The following DCLK1 variants were observed in gnomAD, a reference collection of about 807,000 sequenced individuals.
DCLK1 encodes the protein doublecortin like kinase 1.
In DCLK1, 16 loss-of-function variants were observed where a neutral mutation model predicts 86.2. The observed-to-expected ratio is 0.19, with a 90% CI of 0.13 to 0.28. The LOEUF is 0.28. Ranked by LOEUF, DCLK1 falls within the 10% of genes least tolerant of loss-of-function variation. The pLI is 1.00. For missense variants in DCLK1, 590 were observed against 940.2 expected, an observed-to-expected ratio of 0.63 and a Z score of 4.87; for synonymous variants, 369 against 370.5, an observed-to-expected ratio of 1.00 and a Z score of 0.05.
rs1051199017 is a variant in DCLK1, at chr13:35,771,263, A to G, written c.*3272T>C. 1.3e-5 allele frequency: 2 copies of G among 152,180 alleles called. No individual in the cohort carries two copies. Among genetic ancestry groups the G allele is most frequent in the Middle Eastern group, 3.2e-3 (1 of 316 alleles). 9.4% of individuals were successfully genotyped at this position (152,180 alleles called of 1,614,324 possible). A position where few individuals can be genotyped will look rare whatever the true frequency, so the allele number is the denominator to read the frequency against. ...CATGGATATATTGCTTTCTTTCAAC[A>G]ATATCTGATGGGCCTGTTAACTGCC... On this transcript the variant is annotated 3_prime_UTR_variant, in exon 17 of 17. Transcript: ENST00000360631.
At chr13:36,022,065 T>A (rs986279105) in intron 3 of DCLK1, among the ~76,000 whole-genome samples, 1 of 151,918 alleles carries the variant, frequency 6.6e-6, no homozygotes, top group Admixed American at 6.6e-5. Flanking sequence ...AGGGTGGAAA[T>A]CATACAAAGT....
At position 35,774,451 on chromosome 13, in the gene DCLK1, A is replaced by T; in HGVS notation, c.*84T>A. 6.7e-7 allele frequency: 1 copy of T among 1,488,966 alleles called. No individual in the cohort carries two copies. Among genetic ancestry groups the T allele is most frequent in the Non-Finnish European group, 9.1e-7 (1 of 1,100,380 alleles). The allele number at this position is 1,488,966 out of a possible 1,614,324, so 92.2% of individuals were successfully genotyped here. On this transcript the variant is annotated 3_prime_UTR_variant, in exon 17 of 17. Transcript: ENST00000360631. ...AAGCATTGAGCGCTAGATAGATCAG[A>T]TGAAACTGTTTTACACAAATTTGGG...
At chr13:35,927,346 G>C (rs2153128156) in intron 4 of DCLK1, among the ~76,000 whole-genome samples, 1 of 152,284 alleles carries the variant, frequency 6.6e-6, no homozygotes, top group East Asian at 1.9e-4. Context: ...GTACACAGTT[G>C]TCAAAACATT....
intron 5 of DCLK1, among the ~76,000 whole-genome samples, chr13:35,870,493 T>C (rs527254555): frequency 6.6e-6 from 1 of 152,348 alleles, no homozygotes; most frequent in Non-Finnish European, 1.5e-5. Flanking sequence ...CTTGTCTTCA[T>C]GAAATCAGGT....
chr13:35,820,980 T>G (rs563513164), intron 11 of DCLK1, among the ~76,000 whole-genome samples: 2 of 152,358 alleles, frequency 1.3e-5, no homozygotes, highest in East Asian at 3.9e-4. Context: ...GTGTCTCTCT[T>G]GTTCCCTGGC....
In DCLK1 at chr13:35,936,259, C is replaced by T. The variant is rs142236780; in HGVS notation, c.823+11099G>A. Among the ~76,000 whole-genome samples the T allele has an allele frequency of 6.9e-4, 105 of 152,270 alleles. 2 individuals are homozygous for T. The East Asian group carries it at 0.019, about 28-fold the overall frequency. ...TATAGTGCTTTGAAGATTATCCTTG[C>T]TTAGTGGAACTACTACATATGTTAG... On this transcript the variant is annotated intron_variant, in intron 4 of 16. Transcript: ENST00000360631.
At chr13:36,018,193 G>A (rs184250691) in intron 3 of DCLK1, among the ~76,000 whole-genome samples, 1 of 152,266 alleles carries the variant, frequency 6.6e-6, no homozygotes, top group Admixed American at 6.5e-5. Flanking sequence ...CATTATGATT[G>A]TAAAATTGTA....
At chr13:35,896,573 G>C (rs1290824497) in intron 4 of DCLK1, among the ~76,000 whole-genome samples, 1 of 133,016 alleles carries the variant, frequency 7.5e-6, no homozygotes, top group Non-Finnish European at 1.6e-5. Flanking sequence ...AAAATATGCT[G>C]TTAGAACTTG....
chr13:35,971,409 T>G (rs1474895481), intron 3 of DCLK1, among the ~76,000 whole-genome samples: 1 of 152,166 alleles, frequency 6.6e-6, no homozygotes. Flanking sequence ...TAGAGCTTGA[T>G]GACACTCCCC....
intron 4 of DCLK1, among the ~76,000 whole-genome samples, chr13:35,882,191 G>A: frequency 6.6e-6 from 1 of 151,938 alleles, no homozygotes; most frequent in East Asian, 1.9e-4. Context: ...GCATTCCTTA[G>A]CTTGTGGCCA....
intron 3 of DCLK1, among the ~76,000 whole-genome samples, chr13:36,029,167 CG>C (rs1434438878): frequency 1.3e-5 from 2 of 152,156 alleles, no homozygotes; most frequent in African/African-American, 4.8e-5. Context: ...AGGTCTGGAT[CG>C]GGACTCTTTC....
At chr13:36,085,869 A>C (rs1009158038) in intron 3 of DCLK1, among the ~76,000 whole-genome samples, 3 of 152,142 alleles carry the variant, frequency 2.0e-5, no homozygotes, top group African/African-American at 7.2e-5. Context: ...CTTTCTTGGC[A>C]TTCTGGCAAC....
At chr13:36,055,389 GC>G in intron 3 of DCLK1, among the ~76,000 whole-genome samples, 1 of 152,194 alleles carries the variant, frequency 6.6e-6, no homozygotes, top group East Asian at 1.9e-4. Context: ...TAAAACACCG[GC>G]AAGAGAAAAT....
In DCLK1 at chr13:35,774,431, T is replaced by C; in HGVS notation, c.*104A>G. ...CACTTTCAGTTCTGCCATTCAAGCA[T>C]TGAGCGCTAGATAGATCAGATGAAA... On this transcript the variant is annotated 3_prime_UTR_variant, in exon 17 of 17. Coordinates refer to ENST00000360631, the MANE Select transcript of DCLK1 (RefSeq NM_001330071.2). 7.5e-7 allele frequency: 1 copy of C among 1,341,890 alleles called. No individual in the cohort carries two copies. The highest frequency in any genetic ancestry group is 1.0e-6 in the Non-Finnish European group (1 of 990,808). The allele number at this position is 1,341,890 out of a possible 1,614,324, so 83.1% of individuals were successfully genotyped here.
intron 4 of DCLK1, among the ~76,000 whole-genome samples, chr13:35,945,550 T>C (rs2153132865): frequency 6.6e-6 from 1 of 152,342 alleles, no homozygotes; most frequent in Non-Finnish European, 1.5e-5. Context: ...GGCTGTTTTC[T>C]ATATCAAAGC....
chr13:35,881,156 C>T (rs1312538541), intron 4 of DCLK1, among the ~76,000 whole-genome samples: 1 of 152,176 alleles, frequency 6.6e-6, no homozygotes, highest in Non-Finnish European at 1.5e-5. Context: ...CTAAGTCAGA[C>T]TTGCAGAAAA....
At chr13:35,863,747 G>A (rs1394246176) in intron 5 of DCLK1, among the ~76,000 whole-genome samples, 2 of 152,336 alleles carry the variant, frequency 1.3e-5, no homozygotes, top group African/African-American at 4.8e-5. Context: ...CTGGCAATCT[G>A]CCTTTGAAGG....
intron 4 of DCLK1, among the ~76,000 whole-genome samples, chr13:35,922,714 A>ATGT (rs1875869932): frequency 1.3e-5 from 2 of 152,194 alleles, no homozygotes; most frequent in African/African-American, 4.8e-5. Context: ...ATTGGGCATA[A>ATGT]ATCCTGGTTG....
At chr13:35,963,261 G>T (rs7991091) in intron 3 of DCLK1, among the ~76,000 whole-genome samples, 1 of 152,000 alleles carries the variant, frequency 6.6e-6, no homozygotes, top group African/African-American at 2.4e-5. Flanking sequence ...GTGAACTGGG[G>T]AGGTGAATTT....
Sources: gnomAD v4.1 joint callset for allele counts (sites outside exome capture counted in the v4.1 genomes callset) on GRCh38, gnomAD v4.1.1 for gene constraint, MANE v1.5 for transcripts, NCBI Gene and HGNC (gene_info 2026-07-23, HGNC 2026-07-21) for gene names.